The following MACROD2 variants were observed in gnomAD, a reference collection of about 807,000 sequenced individuals.
MACROD2 encodes the protein mono-ADP ribosylhydrolase 2.
A neutral mutation model predicts 70.4 loss-of-function variants in MACROD2; 36 were observed. The observed-to-expected ratio is 0.51, with a 90% CI of 0.39 to 0.68. The LOEUF (loss-of-function observed/expected upper bound fraction) is 0.68, where lower values mean the gene tolerates loss of function less well. Ranked by LOEUF, MACROD2 falls within the 30% of genes least tolerant of loss-of-function variation. MACROD2 has a pLI of 0.00. For synonymous variants in MACROD2, 172 were observed against 178.8 expected, an observed-to-expected ratio of 0.96 and a Z score of 0.30; for missense variants, 496 against 538.4, an observed-to-expected ratio of 0.92 and a Z score of 0.78.
At chr20:15,799,674 A>G (rs890725312) in intron 8 of MACROD2, among the ~76,000 whole-genome samples, 1 of 152,186 alleles carries the variant, frequency 6.6e-6, no homozygotes, top group African/African-American at 2.4e-5. Flanking sequence ...AACATATTTT[A>G]TTTATCCATT....
intron 13 of MACROD2, among the ~76,000 whole-genome samples, chr20:15,974,750 A>G (rs2066280333): frequency 1.3e-5 from 2 of 152,142 alleles, no homozygotes; most frequent in African/African-American, 4.8e-5. Flanking sequence ...CAAAAATAGT[A>G]TTTTTAAAAA....
At chr20:14,611,452 G>GT (rs11473891) in intron 4 of MACROD2, among the ~76,000 whole-genome samples, 9,206 of 113,246 alleles carry the variant, frequency 0.081, 580 homozygotes, top group African/African-American at 0.18. Flanking sequence ...ATGCCCTGAG[G>GT]TTTTTTTTTT....
chr20:14,263,972 AACACACACACACAC>A (rs71190124), intron 3 of MACROD2, among the ~76,000 whole-genome samples: 3,586 of 127,094 alleles, frequency 0.028, 74 homozygotes, highest in African/African-American at 0.047. Context: ...ACCCTATCTA[AACACACACACACAC>A]ACACACACAC....
intron 5 of MACROD2, among the ~76,000 whole-genome samples, chr20:15,095,162 C>T (rs552018892): frequency 3.4e-5 from 5 of 147,478 alleles, no homozygotes; most frequent in Admixed American, 6.9e-5. Flanking sequence ...CTGCAAGCTC[C>T]GCCTCCCAGG....
chr20:15,019,021 C>T (rs903008749), intron 5 of MACROD2, among the ~76,000 whole-genome samples: 1 of 152,120 alleles, frequency 6.6e-6, no homozygotes, highest in African/African-American at 2.4e-5. Flanking sequence ...TTTTCTTTTA[C>T]CAATTACCCA....
At chr20:14,215,688 T>C (rs1381045313) in intron 3 of MACROD2, among the ~76,000 whole-genome samples, 1 of 152,200 alleles carries the variant, frequency 6.6e-6, no homozygotes, top group Non-Finnish European at 1.5e-5. Flanking sequence ...TTTGTGATTT[T>C]TTTGATTATG....
At chr20:15,384,287 T>G (rs1365805308) in intron 6 of MACROD2, among the ~76,000 whole-genome samples, 1 of 148,642 alleles carries the variant, frequency 6.7e-6, no homozygotes, top group Admixed American at 6.6e-5. Context: ...AGACAGAGTC[T>G]CACTCTGTCA....
intron 3 of MACROD2, among the ~76,000 whole-genome samples, chr20:14,250,906 A>T (rs920456007): frequency 2.6e-5 from 4 of 151,676 alleles, no homozygotes; most frequent in Non-Finnish European, 5.9e-5. Flanking sequence ...CTATTTAAAG[A>T]TTTTTTTTTG....
intron 3 of MACROD2, among the ~76,000 whole-genome samples, chr20:14,282,602 G>A (rs2082315024): frequency 6.6e-6 from 1 of 152,178 alleles, no homozygotes; most frequent in Admixed American, 6.5e-5. Context: ...CGGAGACTGG[G>A]TAATTTAAAA....
intron 4 of MACROD2, among the ~76,000 whole-genome samples, chr20:14,663,913 C>A (rs1320585576): frequency 1.3e-5 from 2 of 151,962 alleles, no homozygotes; most frequent in Admixed American, 6.6e-5. Context: ...TTTCTCCTTA[C>A]CACTTTGTGT....
intron 5 of MACROD2, among the ~76,000 whole-genome samples, chr20:15,155,862 A>G (rs2076303476): frequency 6.6e-6 from 1 of 152,124 alleles, no homozygotes; most frequent in Non-Finnish European, 1.5e-5. Context: ...TAGAAAAAAA[A>G]AAACATAAAA....
intron 2 of MACROD2, among the ~76,000 whole-genome samples, chr20:14,069,247 G>A (rs753478434): frequency 8.5e-5 from 13 of 152,146 alleles, no homozygotes; most frequent in Non-Finnish European, 1.2e-4. Context: ...GTGCCTGGCC[G>A]TTAAAGTTCA....
chr20:15,843,913 A>G (rs757167976), intron 8 of MACROD2, among the ~76,000 whole-genome samples: 2 of 152,006 alleles, frequency 1.3e-5, no homozygotes, highest in Non-Finnish European at 2.9e-5. Context: ...TTGTTTTTTC[A>G]TGGTTTTAAA....
chr20:15,197,202 C>A (rs2076613611), intron 5 of MACROD2, among the ~76,000 whole-genome samples: 1 of 152,040 alleles, frequency 6.6e-6, no homozygotes, highest in South Asian at 2.1e-4. Flanking sequence ...CCATGAAGGG[C>A]TTTTTGCTCA....
At chr20:14,031,657 A>C (rs2053247821) in intron 2 of MACROD2, among the ~76,000 whole-genome samples, 1 of 152,170 alleles carries the variant, frequency 6.6e-6, no homozygotes, top group African/African-American at 2.4e-5. Flanking sequence ...GTATTTTTAT[A>C]AAACAAAGAA....
chr20:15,048,136 T>A (rs1308009885), intron 5 of MACROD2, among the ~76,000 whole-genome samples: 1 of 120,766 alleles, frequency 8.3e-6, no homozygotes, highest in Non-Finnish European at 2.0e-5. Context: ...ATTAGCCAGG[T>A]GTGGTGGTGG....
At position 14,861,176 on chromosome 20, in the gene MACROD2, C is replaced by A. The variant is rs149620115; in HGVS notation, c.418+176217C>A. ...AGGGAACTGACACAAGATGTTGAGCCACTCAAAGACTAGCAACTGGTGGAA... is the reference window on the plus strand; with the variant it reads ...AGGGAACTGACACAAGATGTTGAGCAACTCAAAGACTAGCAACTGGTGGAA... On this transcript the variant is annotated intron_variant, in intron 5 of 17. Coordinates refer to ENST00000684519, the MANE Select transcript of MACROD2 (RefSeq NM_001351661.2). Among the ~76,000 whole-genome samples the A allele has an allele frequency of 1.6e-3, 250 of 152,138 alleles. 4 individuals carry two copies. Among genetic ancestry groups the A allele is most frequent in the South Asian group, 3.9e-3 (19 of 4,812 alleles).
intron 15 of MACROD2, among the ~76,000 whole-genome samples, chr20:16,035,896 A>T (rs532656478): frequency 6.6e-6 from 1 of 152,014 alleles, no homozygotes; most frequent in Non-Finnish European, 1.5e-5. Context: ...ATGCATTTCA[A>T]GTCTCTCCTT....
chr20:15,230,068 A>G lies in MACROD2; in HGVS notation c.540+7A>G. On this transcript the variant is annotated splice_region_variant and intron_variant, in intron 6 of 17. Transcript: ENST00000684519. The stretch of plus-strand genomic sequence containing the variant: ...AAATAACATCCGATCAGTTGTAAGT[A>G]ATTTTATGTTTTTTATTTCTCACTC... 1 of 1,610,460 alleles carries G rather than the reference A, an allele frequency of 6.2e-7. No individual in the cohort carries two copies. Among genetic ancestry groups the G allele is most frequent in the Non-Finnish European group, 8.5e-7 (1 of 1,178,196 alleles).
Sources: gnomAD v4.1 joint callset for allele counts (sites outside exome capture counted in the v4.1 genomes callset) on GRCh38, gnomAD v4.1.1 for gene constraint, MANE v1.5 for transcripts, NCBI Gene and HGNC (gene_info 2026-07-23, HGNC 2026-07-21) for gene names.